The following CCDC169 variants were observed in gnomAD, a reference collection of about 807,000 sequenced individuals.
CCDC169 encodes coiled-coil domain containing 169.
In CCDC169, 30 loss-of-function variants were observed where a neutral mutation model predicts 36.0. The observed-to-expected ratio is 0.83, with a 90% CI of 0.62 to 1.13. The LOEUF is 1.13. CCDC169 is among the 50% of genes most tolerant of loss of function. The pLI is 0.00. For synonymous variants in CCDC169, 85 were observed against 81.5 expected (o/e 1.04, Z -0.23); for missense variants, 245 against 245.9 (o/e 1.00, Z 0.03).
At chr13:36,275,849 TGAAGAAAA>T (rs1876733853) in intron 4 of CCDC169, among the ~76,000 whole-genome samples, 1 of 152,004 alleles carries the variant, frequency 6.6e-6, no homozygotes, top group East Asian at 1.9e-4. Flanking sequence ...GGCAACAGGA[TGAAGAAAA>T]GATAAGTAGG....
At chr13:36,263,778 C>A (rs569170710) in intron 4 of CCDC169, among the ~76,000 whole-genome samples, 14 of 152,078 alleles carry the variant, frequency 9.2e-5, no homozygotes, top group African/African-American at 3.4e-4. Context: ...CAAATTTGCT[C>A]CAGAAGAAAA....
At chr13:36,258,352 A>ACCAGCGCCC (rs1874180646) in intron 4 of CCDC169, among the ~76,000 whole-genome samples, 2 of 152,160 alleles carry the variant, frequency 1.3e-5, no homozygotes, top group South Asian at 4.1e-4. Flanking sequence ...GCTAGGTAAA[A>ACCAGCGCCC]TAAGGCTGAG....
In CCDC169 at chr13:36,254,148, A is replaced by G. The variant is rs1239291486; in HGVS notation, c.316-5T>C. On this transcript the variant is annotated splice_region_variant and splice_polypyrimidine_tract_variant and intron_variant, in intron 4 of 7. Transcript: ENST00000239859. Reference sequence around the variant, plus strand: ...AAGTAATGTGTTTAAGGATTCCTAAAAATATAAATAGTAAAATTTTATATG... The same window carrying G: ...AAGTAATGTGTTTAAGGATTCCTAAGAATATAAATAGTAAAATTTTATATG... 6.7e-7 allele frequency: 1 copy of G among 1,493,930 alleles called. No individual in the cohort carries two copies. The highest frequency in any genetic ancestry group is 1.3e-5 in the South Asian group (1 of 75,558). The allele number at this position is 1,493,930 out of a possible 1,614,324, so 92.5% of individuals were successfully genotyped here.
chr13:36,262,218 C>A (rs1874694225), intron 4 of CCDC169, among the ~76,000 whole-genome samples: 1 of 152,086 alleles, frequency 6.6e-6, no homozygotes, highest in Non-Finnish European at 1.5e-5. Context: ...AAATACACAG[C>A]CCTTGGGGAG....
At chr13:36,272,425 C>G (rs1417065312) in intron 4 of CCDC169, among the ~76,000 whole-genome samples, 2 of 152,096 alleles carry the variant, frequency 1.3e-5, no homozygotes, top group African/African-American at 4.8e-5. Context: ...AGTAGTAACA[C>G]ATGTAAAAAT....
intron 4 of CCDC169, 131 bp from the exon 5 acceptor site, chr13:36,254,274 A>AATTTTTTTTTTTTTTTTTTTTT (rs745490666): frequency 2.5e-6 from 1 of 393,704 alleles, no homozygotes. Context: ...TATGATATGT[A>AATTTTTTTTTTTTTTTTTTTTT]CTTTTTTTTT....
At chr13:36,248,380 A>G (rs1294418234) in intron 7 of CCDC169, among the ~76,000 whole-genome samples, 6 of 152,000 alleles carry the variant, frequency 3.9e-5, no homozygotes, top group African/African-American at 1.4e-4. Context: ...ATATAATAAT[A>G]TATTATCGTG....
intron 4 of CCDC169, chr13:36,282,505 C>A: frequency 1.0e-6 from 1 of 985,140 alleles, no homozygotes; most frequent in Non-Finnish European, 1.2e-6. Flanking sequence ...TTCATGAGTA[C>A]CAAACACTCA....
chr13:36,237,533 G>A (rs1244046720), intron 7 of CCDC169, among the ~76,000 whole-genome samples: 3 of 152,152 alleles, frequency 2.0e-5, no homozygotes, highest in African/African-American at 7.2e-5. Context: ...GTGTAAACAT[G>A]TAAATGTTCA....
intron 7 of CCDC169, among the ~76,000 whole-genome samples, chr13:36,239,044 A>C (rs1204418002): frequency 1.3e-5 from 2 of 152,088 alleles, no homozygotes; most frequent in Admixed American, 1.3e-4. Flanking sequence ...AGCCTGAAAA[A>C]ACATGGCAAG....
chr13:36,288,021 T>G (rs552188807), intron 2 of CCDC169, among the ~76,000 whole-genome samples: 2 of 152,114 alleles, frequency 1.3e-5, no homozygotes, highest in Non-Finnish European at 2.9e-5. Context: ...TTTAATTTTT[T>G]TTTTTGAGAT....
rs1302461892 is a variant in CCDC169 at position 36,254,054 on chromosome 13, T to C, written c.405A>G (p.Gln135=). The C allele has an allele frequency of 6.5e-7, 1 of 1,544,092 alleles. No individual in the cohort carries two copies. The highest frequency in any genetic ancestry group is 8.7e-7 in the Non-Finnish European group (1 of 1,145,066). The change falls in exon 5 of 8, where the codon CAA becomes CAG. Residue 135 remains glutamine (Q), a synonymous_variant. Transcript: ENST00000239859. The stretch of plus-strand genomic sequence containing the variant: ...TAGAGTAAAAACAAACCTTTGATTC[T>C]TGTTCCAGTTTAAGTGCATAGTATT... The part of the protein sequence containing the change: ...QVKYYALKLE[Q]ESKAYQKINN...
intron 2 of CCDC169, among the ~76,000 whole-genome samples, chr13:36,285,787 C>A (rs1021055280): frequency 6.6e-6 from 1 of 152,108 alleles, no homozygotes; most frequent in African/African-American, 2.4e-5. Context: ...TGGGACAACA[C>A]AAAAGACCCA....
At chr13:36,250,901 TCA>T (rs1197141821) in intron 6 of CCDC169, among the ~76,000 whole-genome samples, 1 of 152,220 alleles carries the variant, frequency 6.6e-6, no homozygotes, top group Non-Finnish European at 1.5e-5. Context: ...CAGAAAAGCC[TCA>T]GATTCCTTAT....
intron 4 of CCDC169, among the ~76,000 whole-genome samples, chr13:36,262,562 T>G (rs1477903143): frequency 6.6e-6 from 1 of 152,222 alleles, no homozygotes; most frequent in Non-Finnish European, 1.5e-5. Context: ...TGCTTTTAAT[T>G]GTGGCTCAAG....
intron 4 of CCDC169, among the ~76,000 whole-genome samples, chr13:36,260,817 C>T (rs952975922): frequency 2.0e-5 from 3 of 152,140 alleles, no homozygotes; most frequent in Non-Finnish European, 4.4e-5. Flanking sequence ...CTAGAACTTT[C>T]TTTTCTGAAT....
intron 4 of CCDC169, among the ~76,000 whole-genome samples, chr13:36,277,873 A>G (rs1184949837): frequency 1.3e-5 from 2 of 151,794 alleles, no homozygotes; most frequent in Non-Finnish European, 2.9e-5. Flanking sequence ...TGAACCCGGG[A>G]AGCTGACGTT....
intron 4 of CCDC169, among the ~76,000 whole-genome samples, chr13:36,267,952 T>G (rs1402199145): frequency 6.6e-6 from 1 of 152,184 alleles, no homozygotes; most frequent in African/African-American, 2.4e-5. Context: ...CCCAGATTTA[T>G]AAAACATTTT....
rs531690052 is a variant in CCDC169, at chr13:36,290,239, C to T, written c.163+5539G>A. Among the ~76,000 whole-genome samples, 79 of 152,134 alleles carry T rather than the reference C, an allele frequency of 5.2e-4. No homozygotes were observed. The East Asian group carries it at 0.011, about 21-fold the overall frequency. On this transcript the variant is annotated intron_variant, in intron 2 of 7. Coordinates refer to ENST00000239859, the MANE Select transcript of CCDC169 (RefSeq NM_001144981.3). ...CATGAGACACAGGGACACGCCTGTA[C>T]CACAAAAAAATTAAGATTCTCTTAA...
Sources: gnomAD v4.1 joint callset for allele counts (sites outside exome capture counted in the v4.1 genomes callset) on GRCh38, gnomAD v4.1.1 for gene constraint, MANE v1.5 for transcripts, NCBI Gene and HGNC (gene_info 2026-07-23, HGNC 2026-07-21) for gene names.